TANC1: variants seen among roughly 807,000 people sequenced by gnomAD.
The protein encoded by TANC1 is protein TANC1.
A neutral mutation model predicts 149.7 loss-of-function variants in TANC1; 77 were observed. The ratio of observed to expected loss-of-function variants is 0.51; its 90% CI spans 0.43 to 0.62. The LOEUF is 0.62. Among genes scored for constraint, TANC1 ranks in the 20% least tolerant of loss-of-function variants. TANC1 has a pLI of 0.00. For missense variants in TANC1, 1,985 were observed against 2,321.8 expected (o/e 0.85, Z 2.98); for synonymous variants, 854 against 925.0 (o/e 0.92, Z 1.39).
At chr2:159,062,973 C>CCAAAAAAAAAAAAAAAA (rs770866772) in intron 2 of TANC1, among the ~76,000 whole-genome samples, 15 of 41,216 alleles carry the variant, frequency 3.6e-4, no homozygotes, top group Admixed American at 5.7e-4. Flanking sequence ...GACTCCGTCT[C>CCAAAAAAAAAAAAAAAA]AAAAAAAAAA....
At chr2:159,003,715 AT>A (rs2036838659) in intron 2 of TANC1, among the ~76,000 whole-genome samples, 1 of 152,134 alleles carries the variant, frequency 6.6e-6, no homozygotes, top group Non-Finnish European at 1.5e-5. Flanking sequence ...GGTCAGCTGT[AT>A]CACGTTGGAT....
At chr2:158,974,343 C>T (rs747218082) in intron 1 of TANC1, among the ~76,000 whole-genome samples, 15 of 152,192 alleles carry the variant, frequency 9.9e-5, no homozygotes, top group African/African-American at 1.9e-4. Context: ...AGGATTCCCA[C>T]GGATACTAAA....
chr2:159,064,789 AGAGGTGGTGTGTGGTGT>A (rs1298137051), intron 2 of TANC1, among the ~76,000 whole-genome samples: 3 of 152,174 alleles, frequency 2.0e-5, no homozygotes, highest in African/African-American at 7.2e-5. Flanking sequence ...CTGGGGGCTG[AGAGGTGGTGTGTGGTGT>A]GTTACACTGA....
At chr2:159,039,762 T>C (rs192472432) in intron 2 of TANC1, among the ~76,000 whole-genome samples, 1 of 152,336 alleles carries the variant, frequency 6.6e-6, no homozygotes, top group Admixed American at 6.5e-5. Context: ...AGGAGTGCTT[T>C]ATTTCCGGCT....
chr2:159,146,408 T>C (rs4413115), intron 5 of TANC1, among the ~76,000 whole-genome samples: 21,053 of 152,084 alleles, frequency 0.14, 1,944 homozygotes, highest in East Asian at 0.47. Flanking sequence ...GATATAAACA[T>C]GAAGTAAATA....
intron 19 of TANC1, among the ~76,000 whole-genome samples, chr2:159,208,984 T>G (rs1380118371): frequency 6.6e-6 from 1 of 152,326 alleles, no homozygotes; most frequent in East Asian, 1.9e-4. Context: ...TGTCTAAACA[T>G]AGAGAAGGTA....
chr2:159,197,012 T>C (rs935799515), intron 18 of TANC1, among the ~76,000 whole-genome samples: 1 of 152,224 alleles, frequency 6.6e-6, no homozygotes, highest in Non-Finnish European at 1.5e-5. Context: ...TATTTTTCTA[T>C]GGGAAGCCTT....
intron 4 of TANC1, among the ~76,000 whole-genome samples, chr2:159,105,972 A>AG (rs1278627282): frequency 1.3e-5 from 2 of 149,594 alleles, no homozygotes; most frequent in Admixed American, 1.3e-4. Context: ...TGTATGTTTA[A>AG]AAAAAAAAAA....
At chr2:158,990,917 A>G (rs2035553697) in intron 1 of TANC1, among the ~76,000 whole-genome samples, 1 of 151,998 alleles carries the variant, frequency 6.6e-6, no homozygotes, top group Non-Finnish European at 1.5e-5. Flanking sequence ...TACAAAAAAT[A>G]CAAAAATTAT....
chr2:159,081,663 G>A (rs2044285977), intron 3 of TANC1, among the ~76,000 whole-genome samples: 1 of 152,162 alleles, frequency 6.6e-6, no homozygotes, highest in Admixed American at 6.5e-5. Flanking sequence ...ATAGTTGTCT[G>A]TAACTTTGCT....
chr2:159,100,598 ATAAAC>A, intron 4 of TANC1, among the ~76,000 whole-genome samples: 1 of 152,356 alleles, frequency 6.6e-6, no homozygotes, highest in Non-Finnish European at 1.5e-5. Flanking sequence ...TGATAATTAA[ATAAAC>A]TAAGCAGATA....
chr2:159,059,363 T>TG (rs2042066308), intron 2 of TANC1, among the ~76,000 whole-genome samples: 1 of 151,854 alleles, frequency 6.6e-6, no homozygotes, highest in East Asian at 1.9e-4. Context: ...CAGCTGGGCT[T>TG]GGTGGTACAT....
At chr2:159,124,758 G>A (rs1196273861) in intron 4 of TANC1, among the ~76,000 whole-genome samples, 1 of 149,396 alleles carries the variant, frequency 6.7e-6, no homozygotes, top group East Asian at 2.0e-4. Flanking sequence ...TTTTTTTCCA[G>A]AGACAGGGCC....
intron 3 of TANC1, among the ~76,000 whole-genome samples, chr2:159,078,626 G>A (rs1412603420): frequency 6.6e-6 from 1 of 152,120 alleles, no homozygotes; most frequent in East Asian, 1.9e-4. Context: ...TTAGCTCCAA[G>A]ATTCTGAAGA....
chr2:159,193,096 A>T (rs2057576267), intron 16 of TANC1, among the ~76,000 whole-genome samples: 1 of 152,234 alleles, frequency 6.6e-6, no homozygotes, highest in South Asian at 2.1e-4. Context: ...CATGTTGCAG[A>T]ATCAAAACTC....
At chr2:159,126,515 A>G (rs553161523) in intron 4 of TANC1, among the ~76,000 whole-genome samples, 1 of 152,362 alleles carries the variant, frequency 6.6e-6, no homozygotes, top group South Asian at 2.1e-4. Context: ...ATACTAATTA[A>G]CAAAGTCAGT....
At chr2:159,070,416 A>G (rs2043048689) in intron 3 of TANC1, among the ~76,000 whole-genome samples, 1 of 152,170 alleles carries the variant, frequency 6.6e-6, no homozygotes. Context: ...TTGACACATT[A>G]TTATCACCCA....
chr2:159,163,894 T>G (rs1014444298), intron 8 of TANC1, among the ~76,000 whole-genome samples: 2 of 152,178 alleles, frequency 1.3e-5, no homozygotes, highest in Non-Finnish European at 1.5e-5. Flanking sequence ...AATTGTTGAG[T>G]GAGTTTGTTA....
At chr2:159,148,907 G>T in intron 5 of TANC1, 1 of 393,286 alleles carries the variant, frequency 2.5e-6, no homozygotes, top group Non-Finnish European at 4.5e-6. Flanking sequence ...GATAACACTG[G>T]GCTCTTCTCA....
Sources: allele counts gnomAD v4.1 joint callset (sites outside exome capture counted in the v4.1 genomes callset), GRCh38; gene constraint gnomAD v4.1.1; transcripts MANE v1.5; gene names NCBI Gene and HGNC (gene_info 2026-07-23, HGNC 2026-07-21).